The following RAPGEF4 variants were observed in gnomAD, a reference collection of about 807,000 sequenced individuals.
RAPGEF4 encodes the protein RAP guanine-nucleotide-exchange factor (GEF) 4.
Under a neutral mutation model 147.9 loss-of-function variants are expected in RAPGEF4, and 66 were observed. The observed-to-expected ratio is 0.45, with a 90% confidence interval of 0.37 to 0.55. The LOEUF (loss-of-function observed/expected upper bound fraction) is 0.55. Among genes scored for constraint, RAPGEF4 ranks in the 20% least tolerant of loss-of-function variants. RAPGEF4 has a pLI of 0.00. For synonymous variants in RAPGEF4, 419 were observed against 442.7 expected (o/e 0.95, Z 0.67); for missense variants, 1,071 against 1,257.3 (o/e 0.85, Z 2.24).
At chr2:173,015,827 C>G (rs1178978502) in intron 18 of RAPGEF4, among the ~76,000 whole-genome samples, 1 of 152,110 alleles carries the variant, frequency 6.6e-6, no homozygotes, top group Non-Finnish European at 1.5e-5. Flanking sequence ...ATCTTACCAC[C>G]AACCATGACC....
chr2:173,002,740 T>C (rs3769234), intron 17 of RAPGEF4, among the ~76,000 whole-genome samples: 52,746 of 151,810 alleles, frequency 0.35, 10,278 homozygotes, highest in East Asian at 0.79. Flanking sequence ...AAGTAAACAA[T>C]GTATGAGGAC....
chr2:172,864,701 C>T (rs183489359), intron 4 of RAPGEF4, among the ~76,000 whole-genome samples: 3 of 152,264 alleles, frequency 2.0e-5, no homozygotes, highest in East Asian at 3.9e-4. Context: ...GCTAGGAGTT[C>T]GAGACTAGCC....
At chr2:172,798,636 T>C (rs1686636556) in intron 3 of RAPGEF4, among the ~76,000 whole-genome samples, 1 of 152,210 alleles carries the variant, frequency 6.6e-6, no homozygotes, top group African/African-American at 2.4e-5. Context: ...GGCAATGTTT[T>C]GGAGGCTTTT....
At chr2:172,885,501 A>G (rs757697426) in intron 4 of RAPGEF4, among the ~76,000 whole-genome samples, 1 of 152,226 alleles carries the variant, frequency 6.6e-6, no homozygotes, top group Non-Finnish European at 1.5e-5. Flanking sequence ...AATTTACAAA[A>G]GAAGTGTTTT....
At chr2:172,854,571 T>C (rs539594545) in intron 4 of RAPGEF4, among the ~76,000 whole-genome samples, 1 of 152,278 alleles carries the variant, frequency 6.6e-6, no homozygotes, top group South Asian at 2.1e-4. Flanking sequence ...TTACATTTAA[T>C]GTAGTTATTT....
intron 4 of RAPGEF4, among the ~76,000 whole-genome samples, chr2:172,865,124 C>T (rs77271248): frequency 0.065 from 9,849 of 152,278 alleles, 364 homozygotes; most frequent in Middle Eastern, 0.095. Context: ...CACCACTTTC[C>T]ACATGGCTTC....
chr2:172,881,742 T>C (rs554412142), intron 4 of RAPGEF4, among the ~76,000 whole-genome samples: 1 of 152,392 alleles, frequency 6.6e-6, no homozygotes, highest in African/African-American at 2.4e-5. Context: ...GAAATGGTAT[T>C]ACTCCAACAC....
intron 29 of RAPGEF4, among the ~76,000 whole-genome samples, chr2:173,040,801 T>C (rs561437364): frequency 6.6e-6 from 1 of 152,240 alleles, no homozygotes; most frequent in African/African-American, 2.4e-5. Flanking sequence ...AAAGCAGACA[T>C]TCTTTTATTT....
chr2:172,808,262 A>G (rs538239109), intron 3 of RAPGEF4, among the ~76,000 whole-genome samples: 34 of 152,376 alleles, frequency 2.2e-4, no homozygotes, highest in African/African-American at 7.5e-4. Context: ...CCCAGTGTAC[A>G]TAACTCAGAC....
intron 4 of RAPGEF4, among the ~76,000 whole-genome samples, chr2:172,899,372 A>G (rs1216126784): frequency 6.6e-6 from 1 of 152,224 alleles, no homozygotes; most frequent in Non-Finnish European, 1.5e-5. Flanking sequence ...CCGCATAGGA[A>G]AGTGTTTGCA....
At chr2:173,003,064 G>A (rs757055553) in intron 17 of RAPGEF4, among the ~76,000 whole-genome samples, 3 of 151,662 alleles carry the variant, frequency 2.0e-5, no homozygotes, top group African/African-American at 4.8e-5. Context: ...ACTCAAGGGC[G>A]AGTCAGCGAG....
At position 172,878,713 on chromosome 2, in the gene RAPGEF4, A is replaced by G. The variant is rs373243459; in HGVS notation, c.445-39089A>G. Among the ~76,000 whole-genome samples the G allele has an allele frequency of 6.8e-4, 104 of 152,332 alleles. No individual in the cohort carries two copies. The South Asian group carries it at 0.019, about 28-fold the overall frequency. ...GTAAAGAACTCAAAATATTTTATCAATTGACAAGGAAAGTCCACTAGCTAG... is the reference window on the plus strand; with the variant it reads ...GTAAAGAACTCAAAATATTTTATCAGTTGACAAGGAAAGTCCACTAGCTAG... On this transcript the variant is annotated intron_variant, in intron 4 of 30. Coordinates refer to ENST00000397081, the MANE Select transcript of RAPGEF4 (RefSeq NM_007023.4).
intron 25 of RAPGEF4, among the ~76,000 whole-genome samples, chr2:173,029,712 G>C (rs3820839): frequency 0.63 from 95,718 of 152,110 alleles, 33,538 homozygotes; most frequent in East Asian, 0.81. Context: ...TGCATGGCAG[G>C]TAGAAGCCAT....
chr2:173,029,467 AT>A (rs1405791169), intron 25 of RAPGEF4, among the ~76,000 whole-genome samples: 1 of 152,194 alleles, frequency 6.6e-6, no homozygotes, highest in Admixed American at 6.5e-5. Context: ...TCTAATAAGA[AT>A]TTCTGTTTTT....
intron 4 of RAPGEF4, among the ~76,000 whole-genome samples, chr2:172,832,896 A>G (rs940746827): frequency 6.6e-6 from 1 of 152,270 alleles, no homozygotes; most frequent in East Asian, 1.9e-4. Flanking sequence ...TTACACATCC[A>G]TGGATTCAAC....
chr2:172,815,628 G>A (rs538744976), intron 4 of RAPGEF4, among the ~76,000 whole-genome samples: 1 of 152,144 alleles, frequency 6.6e-6, no homozygotes, highest in South Asian at 2.1e-4. Context: ...CATTTTAAAA[G>A]GTAAACTGAA....
intron 4 of RAPGEF4, chr2:172,917,317 A>G: frequency 5.0e-6 from 2 of 397,518 alleles, no homozygotes; most frequent in South Asian, 1.9e-5. Context: ...AAGTAGGTAA[A>G]TGGAAGCGAA....
chr2:173,051,678 G>A lies in RAPGEF4; in HGVS notation c.2947G>A (p.Val983Ile). 6.2e-7 allele frequency: 1 copy of A among 1,613,964 alleles called. No homozygotes were observed. Among genetic ancestry groups the A allele is most frequent in the Non-Finnish European group, 8.5e-7 (1 of 1,179,882 alleles). The change falls in exon 31 of 31, where the codon GTC becomes ATC. Residue 983 changes from valine to isoleucine, a missense_variant. Coordinates refer to ENST00000397081, the MANE Select transcript of RAPGEF4 (RefSeq NM_007023.4). ...TCAAGCTAATAAGAACCATCAGGAT[G>A]TCCGGAGTTATGTACGGCAATTAAA... Reference protein sequence around the residue: ...AAQANKNHQDVRSYVRQLNVI... With the variant: ...AAQANKNHQDIRSYVRQLNVI...
At chr2:173,029,336 GA>G (rs1696959485) in intron 25 of RAPGEF4, among the ~76,000 whole-genome samples, 1 of 152,264 alleles carries the variant, frequency 6.6e-6, no homozygotes, top group African/African-American at 2.4e-5. Flanking sequence ...GATTCAGGAT[GA>G]AGGATTTATG....
Sources: allele counts gnomAD v4.1 joint callset (sites outside exome capture counted in the v4.1 genomes callset), GRCh38; gene constraint gnomAD v4.1.1; transcripts MANE v1.5; gene names NCBI Gene and HGNC (gene_info 2026-07-23, HGNC 2026-07-21).